Variants in MALT1 observed in about 807,000 individuals in gnomAD.
The protein encoded by MALT1 is MALT1 paracaspase, also known as mucosa-associated lymphoid tissue lymphoma translocation protein 1.
In MALT1, 36 loss-of-function variants were observed where a neutral mutation model predicts 85.5. The observed-to-expected ratio is 0.42, with a 90% confidence interval of 0.32 to 0.56. MALT1 has a LOEUF of 0.56. Among genes scored for constraint, MALT1 ranks in the 20% least tolerant of loss-of-function variants. The pLI is 0.10. For missense variants in MALT1, 716 were observed against 981.6 expected, an observed-to-expected ratio of 0.73 and a Z score of 3.62; for synonymous variants, 359 against 361.3, an observed-to-expected ratio of 0.99 and a Z score of 0.07.
intron 2 of MALT1, among the ~76,000 whole-genome samples, chr18:58,688,090 CT>C (rs1325292482): frequency 6.6e-6 from 1 of 152,124 alleles, no homozygotes; most frequent in Non-Finnish European, 1.5e-5. Context: ...TGTTCAGCAC[CT>C]TCTCACTAGT....
chr18:58,750,241 C>A lies in MALT1; in HGVS notation c.*2399C>A, dbSNP rs2055428733. 2 of 168,540 alleles carry A rather than the reference C, an allele frequency of 1.2e-5. No individual in the cohort carries two copies. Among genetic ancestry groups the A allele is most frequent in the African/African-American group, 4.8e-5 (2 of 41,990 alleles). The allele number at this position is 168,540 out of a possible 1,614,324, so 10.4% of individuals were successfully genotyped here. A position where few individuals can be genotyped will look rare whatever the true frequency, so the allele number is the denominator to read the frequency against. On this transcript the variant is annotated 3_prime_UTR_variant, in exon 17 of 17. Transcript: ENST00000649217. ...AGTAGCATCAAGAATAAAACTCCAACACGTTTAAAGAAATTAAGATCCAGA... is the reference window on the plus strand; with the variant it reads ...AGTAGCATCAAGAATAAAACTCCAAAACGTTTAAAGAAATTAAGATCCAGA...
chr18:58,698,083 T>G (rs1454820209), intron 3 of MALT1, among the ~76,000 whole-genome samples: 1 of 150,608 alleles, frequency 6.6e-6, no homozygotes, highest in East Asian at 1.9e-4. Context: ...TTGTTTTTTT[T>G]TTGAGATGGA....
intron 9 of MALT1, among the ~76,000 whole-genome samples, chr18:58,719,332 T>TCTCTTC (rs935661733): frequency 8.6e-6 from 1 of 116,648 alleles, no homozygotes; most frequent in African/African-American, 5.2e-5. Context: ...TCTCTCTCTT[T>TCTCTTC]CTCTTCCTCT....
chr18:58,744,576 G>A (rs1258342351), intron 15 of MALT1, 81 bp downstream of exon 15: 5 of 694,666 alleles, frequency 7.2e-6, no homozygotes, highest in Non-Finnish European at 9.2e-6. Flanking sequence ...TAAAGTTGAT[G>A]GTAAATATAA....
At position 58,750,057 on chromosome 18, in the gene MALT1, T is replaced by C. The variant is rs988131745; in HGVS notation, c.*2215T>C. 2.1e-5 allele frequency: 4 copies of C among 193,740 alleles called. No individual in the cohort carries two copies. Among genetic ancestry groups the C allele is most frequent in the Non-Finnish European group, 4.3e-5 (4 of 92,928 alleles). 12.0% of individuals were successfully genotyped at this position (193,740 alleles called of 1,614,324 possible). A position where few individuals can be genotyped will look rare whatever the true frequency, so the allele number is the denominator to read the frequency against. ...GTTTATACTGCAAAAGAAGTGAAAC[T>C]ATATGTATTCACAGTTGATACATAG... On this transcript the variant is annotated 3_prime_UTR_variant, in exon 17 of 17. Transcript: ENST00000649217.
chr18:58,699,591 G>A (rs895839092), intron 3 of MALT1, among the ~76,000 whole-genome samples: 1 of 152,172 alleles, frequency 6.6e-6, no homozygotes, highest in Non-Finnish European at 1.5e-5. Context: ...TATTTGCATT[G>A]TATACTTAAA....
At chr18:58,709,652 C>T (rs1183218678) in intron 5 of MALT1, 96 bp downstream of exon 5, 12 of 1,024,160 alleles carry the variant, frequency 1.2e-5, no homozygotes, top group Non-Finnish European at 1.5e-5. Context: ...CATATCCTTT[C>T]AGATGTTTTA....
At chr18:58,686,762 A>G (rs1456411158) in intron 2 of MALT1, among the ~76,000 whole-genome samples, 1 of 152,222 alleles carries the variant, frequency 6.6e-6, no homozygotes, top group Non-Finnish European at 1.5e-5. Flanking sequence ...TCTCTAAAAT[A>G]AGTGCAAAGG....
chr18:58,698,069 TTTTTTG>T (rs1465344805), intron 3 of MALT1, among the ~76,000 whole-genome samples: 6 of 79,748 alleles, frequency 7.5e-5, no homozygotes, highest in African/African-American at 1.3e-4. Flanking sequence ...TTTGTTTTGT[TTTTTTG>T]TTTTTTTTTT....
At chr18:58,733,100 G>T (rs1460655879) in intron 10 of MALT1, among the ~76,000 whole-genome samples, 1 of 151,986 alleles carries the variant, frequency 6.6e-6, no homozygotes, top group Non-Finnish European at 1.5e-5. Flanking sequence ...TAGGAGAGAT[G>T]GGGTTTCACC....
intron 4 of MALT1, among the ~76,000 whole-genome samples, chr18:58,703,893 A>G (rs1229484188): frequency 6.6e-6 from 1 of 152,222 alleles, no homozygotes; most frequent in Non-Finnish European, 1.5e-5. Flanking sequence ...TAACATGGGT[A>G]TATGTACCCA....
chr18:58,726,817 G>A (rs919713427), intron 10 of MALT1, among the ~76,000 whole-genome samples: 10 of 152,260 alleles, frequency 6.6e-5, no homozygotes, highest in Middle Eastern at 6.8e-3. Flanking sequence ...TTGTGCTTTC[G>A]TGTAGAAGAA....
intron 6 of MALT1, among the ~76,000 whole-genome samples, chr18:58,710,560 G>A (rs1204177681): frequency 2.6e-5 from 4 of 152,114 alleles, no homozygotes; most frequent in Non-Finnish European, 5.9e-5. Flanking sequence ...ATGGTGGCAT[G>A]CACTTGGTCC....
chr18:58,678,578 G>A lies in MALT1; in HGVS notation c.210-2592G>A, dbSNP rs764405608. Among the ~76,000 whole-genome samples the A allele has an allele frequency of 5.3e-5, 8 of 152,032 alleles. No homozygotes were observed. In the South Asian group the frequency reaches 8.3e-4, roughly 16 times the overall value. On this transcript the variant is annotated intron_variant, in intron 1 of 16. Transcript: ENST00000649217. ...TCATGCTCATGAAGAAAAGCTCACC[G>A]TTCTAAGGTGAAATTATGTGAGATA...
chr18:58,714,657 CTG>C (rs1171015567), intron 8 of MALT1, among the ~76,000 whole-genome samples: 1 of 148,564 alleles, frequency 6.7e-6, no homozygotes. Context: ...ATGTAGAACT[CTG>C]TAGGCTAATT....
rs1188271956 is a variant in MALT1 at position 58,749,193 on chromosome 18, A to G, written c.*1351A>G. ...CAGAATATTCTCCCATAAACACTGAATTAAATATGGAACAACTGCTTTTAG... is the reference window on the plus strand; with the variant it reads ...CAGAATATTCTCCCATAAACACTGAGTTAAATATGGAACAACTGCTTTTAG... On this transcript the variant is annotated 3_prime_UTR_variant, in exon 17 of 17. Coordinates refer to ENST00000649217, the MANE Select transcript of MALT1 (RefSeq NM_006785.4). The G allele has an allele frequency of 4.6e-6, 1 of 217,378 alleles. No homozygotes were observed. Among genetic ancestry groups the G allele is most frequent in the Non-Finnish European group, 9.2e-6 (1 of 108,272 alleles). The allele number at this position is 217,378 out of a possible 1,614,324, so 13.5% of individuals were successfully genotyped here.
At chr18:58,688,922 G>C (rs1283960123) in intron 2 of MALT1, among the ~76,000 whole-genome samples, 1 of 152,112 alleles carries the variant, frequency 6.6e-6, no homozygotes. Context: ...AAGCTGAGGT[G>C]AGGTGGATTG....
At chr18:58,743,585 A>AG (rs1420489093) in intron 14 of MALT1, among the ~76,000 whole-genome samples, 3 of 152,202 alleles carry the variant, frequency 2.0e-5, no homozygotes, top group African/African-American at 7.2e-5. Context: ...CAAAATGAAA[A>AG]GGTCATATAG....
intron 3 of MALT1, among the ~76,000 whole-genome samples, chr18:58,698,865 G>A (rs2054632205): frequency 6.6e-6 from 1 of 152,172 alleles, no homozygotes; most frequent in South Asian, 2.1e-4. Context: ...GTTCATGCAG[G>A]CACCAGTGGT....
Sources: allele counts gnomAD v4.1 joint callset (sites outside exome capture counted in the v4.1 genomes callset), GRCh38; gene constraint gnomAD v4.1.1; transcripts MANE v1.5; gene names NCBI Gene and HGNC (gene_info 2026-07-23, HGNC 2026-07-21).